TAFA5: variants seen among roughly 807,000 people sequenced by gnomAD.
The protein encoded by TAFA5 is chemokine-like protein TAFA-5.
Under a neutral mutation model 15.3 loss-of-function variants are expected in TAFA5, and 6 were observed. The ratio of observed to expected loss-of-function variants is 0.39; its 90% confidence interval spans 0.21 to 0.77. The LOEUF is 0.77. Ranked by LOEUF, TAFA5 falls within the 30% of genes least tolerant of loss-of-function variation. TAFA5 has a pLI of 0.41. For missense variants in TAFA5, 161 were observed against 193.1 expected (o/e 0.83, Z 0.98); for synonymous variants, 103 against 80.7 (o/e 1.28, Z -1.48).
At chr22:48,558,477 G>A (rs185877614) in intron 1 of TAFA5, among the ~76,000 whole-genome samples, 78 of 152,250 alleles carry the variant, frequency 5.1e-4, no homozygotes, top group Non-Finnish European at 9.1e-4. Flanking sequence ...TTACAGGGAC[G>A]TATCCTCAAA....
chr22:48,537,867 C>T (rs1181532799), intron 1 of TAFA5, among the ~76,000 whole-genome samples: 1 of 152,210 alleles, frequency 6.6e-6, no homozygotes, highest in Non-Finnish European at 1.5e-5. Context: ...GCCTCTCTGG[C>T]TGATGGTGGG....
chr22:48,703,318 C>T (rs1001496681), intron 2 of TAFA5, among the ~76,000 whole-genome samples: 7 of 152,182 alleles, frequency 4.6e-5, no homozygotes, highest in South Asian at 2.1e-4. Flanking sequence ...TAAGTCCCCC[C>T]GGACCCCGCC....
chr22:48,742,741 A>C lies in TAFA5; in HGVS notation c.391-7098A>C, dbSNP rs1930217973. On this transcript the variant is annotated intron_variant, in intron 3 of 3. Coordinates refer to ENST00000402357, the MANE Select transcript of TAFA5 (RefSeq NM_001082967.3). The surrounding 1 kb of genome is among the most constrained non-coding windows in gnomAD (Gnocchi z 6.2). ...TGTGGTGAAGCCGGCAGCACAGTGGAGCAGGCATTATGGTGGACTGGGCAG... is the reference window on the plus strand; with the variant it reads ...TGTGGTGAAGCCGGCAGCACAGTGGCGCAGGCATTATGGTGGACTGGGCAG... Among the ~76,000 whole-genome samples the C allele has an allele frequency of 6.6e-6, 1 of 152,126 alleles. No individual in the cohort carries two copies. The highest frequency in any genetic ancestry group is 2.1e-4 in the South Asian group (1 of 4,820).
intron 1 of TAFA5, among the ~76,000 whole-genome samples, chr22:48,562,160 T>C (rs138642088): frequency 2.3e-4 from 35 of 152,234 alleles, no homozygotes; most frequent in Middle Eastern, 3.4e-3. Flanking sequence ...TTTTTTGAGA[T>C]GGAGTCTCGC....
intron 2 of TAFA5, among the ~76,000 whole-genome samples, chr22:48,653,370 A>G (rs1291263404): frequency 2.0e-5 from 3 of 152,212 alleles, no homozygotes; most frequent in African/African-American, 7.2e-5. Context: ...GAATTGCTTC[A>G]GTCCAGAGGA....
In TAFA5 at chr22:48,691,748, C is replaced by T. The variant is rs532787272; in HGVS notation, c.263-15969C>T. On this transcript the variant is annotated intron_variant, in intron 2 of 3. Coordinates refer to ENST00000402357, the MANE Select transcript of TAFA5 (RefSeq NM_001082967.3). The stretch of plus-strand genomic sequence containing the variant: ...CAGGAGGAAGGCCAGGTGTCTGGCT[C>T]TCTGTGCTGGGCACATCCGGGGAGG... Among the ~76,000 whole-genome samples, 152 of 152,358 alleles carry T rather than the reference C, an allele frequency of 1.0e-3. No individual in the cohort carries two copies. In the South Asian group the frequency reaches 0.014, roughly 15 times the overall value.
chr22:48,527,887 A>C (rs1050889821), intron 1 of TAFA5, among the ~76,000 whole-genome samples: 2 of 152,204 alleles, frequency 1.3e-5, no homozygotes, highest in Non-Finnish European at 1.5e-5. Context: ...CCCGTGTTAC[A>C]TGCCAGCAGC....
chr22:48,714,232 C>T (rs921889649), intron 3 of TAFA5, among the ~76,000 whole-genome samples: 1 of 152,178 alleles, frequency 6.6e-6, no homozygotes, highest in Non-Finnish European at 1.5e-5. Context: ...TTCTGGAACC[C>T]CCTGTAGGGT....
At chr22:48,524,462 C>T (rs576490129) in intron 1 of TAFA5, among the ~76,000 whole-genome samples, 1 of 152,324 alleles carries the variant, frequency 6.6e-6, no homozygotes, top group Non-Finnish European at 1.5e-5. Context: ...CCCTGCTGGA[C>T]ACTTGGCAGT....
chr22:48,514,178 C>T (rs954334661), intron 1 of TAFA5, among the ~76,000 whole-genome samples: 1 of 152,028 alleles, frequency 6.6e-6, no homozygotes, highest in African/African-American at 2.4e-5. Context: ...TGAGTGGGCT[C>T]GGGATGAAAT....
intron 1 of TAFA5, among the ~76,000 whole-genome samples, chr22:48,528,472 C>T (rs1921856020): frequency 6.6e-6 from 1 of 152,120 alleles, no homozygotes; most frequent in Admixed American, 6.5e-5. Context: ...TGCCTGCAGC[C>T]ACTGCACCCA....
At chr22:48,731,482 CACCAG>C (rs1394004658) in intron 3 of TAFA5, among the ~76,000 whole-genome samples, 4 of 152,250 alleles carry the variant, frequency 2.6e-5, no homozygotes, top group South Asian at 2.1e-4. Context: ...GGTTTCGAAG[CACCAG>C]AGGACAGGCT....
chr22:48,723,764 A>G, intron 3 of TAFA5, among the ~76,000 whole-genome samples: 1 of 152,242 alleles, frequency 6.6e-6, no homozygotes, highest in East Asian at 1.9e-4. Flanking sequence ...TCATGGGATG[A>G]TAAGAAAGGA....
intron 1 of TAFA5, among the ~76,000 whole-genome samples, chr22:48,638,558 C>G (rs71314867): frequency 0.099 from 11,279 of 114,088 alleles, 1 homozygote; most frequent in East Asian, 0.27. Flanking sequence ...CACACACAGG[C>G]GGGACCCCGA....
chr22:48,568,895 G>T (rs1569028746), intron 1 of TAFA5, among the ~76,000 whole-genome samples: 1 of 152,188 alleles, frequency 6.6e-6, no homozygotes, highest in Non-Finnish European at 1.5e-5. Flanking sequence ...GGGGACGAGG[G>T]CAGATGAGGA....
intron 2 of TAFA5, among the ~76,000 whole-genome samples, chr22:48,697,360 A>G (rs1228904951): frequency 2.9e-5 from 4 of 138,368 alleles, no homozygotes; most frequent in South Asian, 2.4e-4. Context: ...TGATGATGAT[A>G]ATGATGACGA....
chr22:48,731,584 A>G (rs1929870100), intron 3 of TAFA5, among the ~76,000 whole-genome samples: 1 of 152,240 alleles, frequency 6.6e-6, no homozygotes, highest in African/African-American at 2.4e-5. Flanking sequence ...AGGTCCTTGA[A>G]GAATTAAACA....
intron 1 of TAFA5, among the ~76,000 whole-genome samples, chr22:48,540,484 C>A (rs1339271611): frequency 6.6e-6 from 1 of 152,142 alleles, no homozygotes; most frequent in Middle Eastern, 3.2e-3. Flanking sequence ...CCCCTGAGGT[C>A]TAATGGGGCA....
chr22:48,620,635 C>G (rs865876900), intron 1 of TAFA5, among the ~76,000 whole-genome samples: 11 of 129,854 alleles, frequency 8.5e-5, no homozygotes, highest in East Asian at 2.2e-4. Context: ...ATCCCCCATC[C>G]TATCCACCCA....
Sources: allele counts gnomAD v4.1 joint callset (sites outside exome capture counted in the v4.1 genomes callset), GRCh38; gene constraint gnomAD v4.1.1; non-coding constraint Gnocchi (gnomAD v3.1); transcripts MANE v1.5; gene names NCBI Gene and HGNC (gene_info 2026-07-23, HGNC 2026-07-21).